The following EVC2 variants were observed in gnomAD, a reference collection of about 807,000 sequenced individuals.
EVC2 encodes EvC ciliary complex subunit 2.
Under a neutral mutation model 149.3 loss-of-function variants are expected in EVC2, and 148 were observed. The observed-to-expected ratio is 0.99, with a 90% CI of 0.87 to 1.14. EVC2 has a LOEUF of 1.14. Among genes scored for constraint, EVC2 ranks in the 50% most tolerant of loss-of-function variants. The probability of loss-of-function intolerance (pLI) is 0.00; values close to 1 mark genes in which losing one functional copy is unlikely to be tolerated. For missense variants in EVC2, 1,854 were observed against 1,627.3 expected (o/e 1.14, Z -2.40); for synonymous variants, 776 against 649.9 (o/e 1.19, Z -2.95).
intron 16 of EVC2, among the ~76,000 whole-genome samples, chr4:5,603,478 G>A (rs66654180): frequency 0.056 from 8,597 of 152,226 alleles, 692 homozygotes; most frequent in African/African-American, 0.18. Context: ...TCTCTTGTCA[G>A]GTCACTGAAA....
rs888630474 is a variant in EVC2, at chr4:5,622,787, G to C, written c.2251C>G (p.Leu751Val). ...LSLFEKATDE[L>V]RRLQNSAMTQ... is the part of the protein sequence containing the mutation. ...ATGGCTGAGTTCTGCAGGCGCCGCAGCTCGTCGGTGGCCTTTTCAAACAGC... is the reference window on the plus strand; with the variant it reads ...ATGGCTGAGTTCTGCAGGCGCCGCACCTCGTCGGTGGCCTTTTCAAACAGC... The change falls in exon 14 of 22, where the codon CTG becomes GTG. Residue 751 changes from leucine (L) to valine (V), a missense_variant. Transcript: ENST00000344408. This position sits in a 1 kb window ranked among gnomAD's most constrained non-coding sequence, Gnocchi z 5.8. 1 of 1,613,952 alleles carries C rather than the reference G, an allele frequency of 6.2e-7. No individual in the cohort carries two copies. Among genetic ancestry groups the C allele is most frequent in the African/African-American group, 1.3e-5 (1 of 74,870 alleles).
At chr4:5,675,571 C>T (rs1719929520) in intron 7 of EVC2, among the ~76,000 whole-genome samples, 1 of 152,214 alleles carries the variant, frequency 6.6e-6, no homozygotes, top group African/African-American at 2.4e-5. Context: ...ATTTTCAAAA[C>T]CTTCCCATCT....
intron 21 of EVC2, among the ~76,000 whole-genome samples, chr4:5,553,063 C>T (rs1207588378): frequency 4.6e-5 from 7 of 152,110 alleles, no homozygotes; most frequent in South Asian, 2.1e-4. Context: ...AAGAAATACC[C>T]GAGACTGGGT....
At chr4:5,580,755 C>T (rs79062476) in intron 17 of EVC2, among the ~76,000 whole-genome samples, 2,176 of 87,502 alleles carry the variant, frequency 0.025, 39 homozygotes, top group African/African-American at 0.083. Context: ...TAATTTGCTA[C>T]GGAGTTTTAT....
chr4:5,629,797 C>G lies in EVC2; in HGVS notation c.1711-1063G>C, dbSNP rs142984246. On this transcript the variant is annotated intron_variant, in intron 11 of 21. Transcript: ENST00000344408. ...GTAACAGGAAGGTTACAGCAATGTT[C>G]CTGCTCTCCACCTAGCGGGATCCAT... 7.9e-5 allele frequency among the ~76,000 whole-genome samples: 12 copies of G among 152,336 alleles called. No homozygotes were observed. The East Asian group carries it at 2.3e-3, about 29-fold the overall frequency.
chr4:5,532,689 C>A, the EVC2 span, among the ~76,000 whole-genome samples: 1 of 152,208 alleles, frequency 6.6e-6, no homozygotes, highest in Non-Finnish European at 1.5e-5. Context: ...TGCCTCTGCA[C>A]TGACCGTCTA....
intron 7 of EVC2, among the ~76,000 whole-genome samples, chr4:5,668,000 C>G (rs1451046233): frequency 6.6e-6 from 1 of 152,190 alleles, no homozygotes; most frequent in African/African-American, 2.4e-5. Flanking sequence ...AGGATAGCAG[C>G]CTTCGGTTTG....
chr4:5,598,767 C>G (rs967926058), intron 16 of EVC2, among the ~76,000 whole-genome samples: 1 of 152,038 alleles, frequency 6.6e-6, no homozygotes, highest in African/African-American at 2.4e-5. Context: ...GAAACTACCA[C>G]CAGAGTGAAC....
At chr4:5,583,172 T>C (rs182495960) in intron 17 of EVC2, among the ~76,000 whole-genome samples, 22 of 152,360 alleles carry the variant, frequency 1.4e-4, no homozygotes, top group Non-Finnish European at 2.2e-4. Flanking sequence ...AATGGATGTT[T>C]TAATGTTAAA....
chr4:5,578,408 C>T (rs1723060437), intron 17 of EVC2, among the ~76,000 whole-genome samples: 1 of 152,140 alleles, frequency 6.6e-6, no homozygotes, highest in Non-Finnish European at 1.5e-5. Context: ...TTAATCTTCA[C>T]AAAATAACAC....
At chr4:5,690,983 A>G (rs1276965877) in intron 4 of EVC2, among the ~76,000 whole-genome samples, 2 of 152,304 alleles carry the variant, frequency 1.3e-5, no homozygotes, top group Admixed American at 6.5e-5. Flanking sequence ...GTACCCTATT[A>G]ATGATTATAA....
rs116642177 is a variant in EVC2, at chr4:5,613,366, G to A, written c.2829+2056C>T. Among the ~76,000 whole-genome samples, 1,235 of 152,160 alleles carry A rather than the reference G, an allele frequency of 8.1e-3. 15 individuals are homozygous for A. The highest frequency in any genetic ancestry group is 0.028 in the African/African-American group (1,161 of 41,504). On this transcript the variant is annotated intron_variant, in intron 16 of 21. Transcript: ENST00000344408. The surrounding 1 kb of genome is among the most constrained non-coding windows in gnomAD (Gnocchi z 4.6). Reference sequence around the variant, plus strand: ...TTCCCTTCACAAGCAGCTCTTCTCCGACAACAGTCACCTTCACTCTGGCGG... The same window carrying A: ...TTCCCTTCACAAGCAGCTCTTCTCCAACAACAGTCACCTTCACTCTGGCGG...
intron 17 of EVC2, among the ~76,000 whole-genome samples, chr4:5,584,147 A>AT (rs34291339): frequency 0.022 from 3,291 of 152,364 alleles, 62 homozygotes; most frequent in Non-Finnish European, 0.032. Flanking sequence ...AAATCTACAC[A>AT]TAAAAGACCT....
chr4:5,694,280 T>G, intron 3 of EVC2, 55 bp downstream of exon 3: 1 of 1,587,878 alleles, frequency 6.3e-7, no homozygotes, highest in Non-Finnish European at 8.6e-7. Flanking sequence ...CAGGCCATAA[T>G]TGGTTTATTT....
At position 5,686,106 on chromosome 4, in the gene EVC2, A is replaced by ATACACACACACC. The variant is rs1720692821; in HGVS notation, c.707-628_707-627insGGTGTGTGTGTA. On this transcript the variant is annotated intron_variant, in intron 5 of 21. Transcript: ENST00000344408. This position sits in a 1 kb window ranked among gnomAD's most constrained non-coding sequence, Gnocchi z 5.4. ...ACACACATATATATTACACACACAC[A>ATACACACACACC]CACACACACACACACACACACAGAG... Among the ~76,000 whole-genome samples the ATACACACACACC allele has an allele frequency of 1.3e-5, 1 of 76,758 alleles. No individual in the cohort carries two copies. The highest frequency in any genetic ancestry group is 7.4e-5 in the African/African-American group (1 of 13,540). The allele number at this position is 76,758 out of a possible 152,430, so 50.4% of individuals were successfully genotyped here.
intron 21 of EVC2, 127 bp from the exon 22 acceptor site, chr4:5,563,242 G>T: frequency 1.1e-6 from 1 of 930,046 alleles, no homozygotes; most frequent in Non-Finnish European, 1.7e-6. Flanking sequence ...TTAACAAAAG[G>T]TTATTTTCCC....
In EVC2 at chr4:5,700,343, T is replaced by G. The variant is rs1721749189; in HGVS notation, c.229-2696A>C. Reference sequence around the variant, plus strand: ...ACATTTGCCAATGGATGGCAAAGCATCCATTGGATGGTGCACCGAACTCCA... The same window carrying G: ...ACATTTGCCAATGGATGGCAAAGCAGCCATTGGATGGTGCACCGAACTCCA... On this transcript the variant is annotated intron_variant, in intron 1 of 21. Transcript: ENST00000344408. 3.9e-5 allele frequency among the ~76,000 whole-genome samples: 6 copies of G among 151,968 alleles called. No homozygotes were observed. In the South Asian group the frequency reaches 1.2e-3, roughly 32 times the overall value.
At chr4:5,616,221 C>A (rs1715238447) in intron 15 of EVC2, among the ~76,000 whole-genome samples, 1 of 152,164 alleles carries the variant, frequency 6.6e-6, no homozygotes, top group African/African-American at 2.4e-5. Flanking sequence ...AGAACTTTCC[C>A]AGCACAGGTC....
intron 21 of EVC2, among the ~76,000 whole-genome samples, chr4:5,548,990 G>A (rs200237225): frequency 1.2e-4 from 16 of 133,290 alleles, no homozygotes; most frequent in Non-Finnish European, 1.9e-4. Flanking sequence ...TCTTTCTTCC[G>A]TCCCTCCCTC....
Sources: allele counts gnomAD v4.1 joint callset (sites outside exome capture counted in the v4.1 genomes callset), GRCh38; gene constraint gnomAD v4.1.1; non-coding constraint Gnocchi (gnomAD v3.1); transcripts MANE v1.5; gene names NCBI Gene and HGNC (gene_info 2026-07-23, HGNC 2026-07-21).